Variants in NT5DC4 observed in about 807,000 individuals in gnomAD.
The protein encoded by NT5DC4 is 5'-nucleotidase domain-containing protein 4.
Under a neutral mutation model 26.6 loss-of-function variants are expected in NT5DC4, and 44 were observed. The ratio of observed to expected loss-of-function variants is 1.65; its 90% confidence interval spans 1.30 to 2.13. The LOEUF is 2.13. NT5DC4 is among the 30% of genes most tolerant of loss of function. NT5DC4 has a pLI of 0.00. For missense variants in NT5DC4, 399 were observed against 228.1 expected (o/e 1.75, Z -4.83); for synonymous variants, 157 against 86.7 (o/e 1.81, Z -4.51).
chr2:112,730,728 G>C (rs17042289), intron 16 of NT5DC4, among the ~76,000 whole-genome samples: 2,103 of 152,298 alleles, frequency 0.014, 45 homozygotes, highest in African/African-American at 0.048. Context: ...ACCAGGCACA[G>C]TGTTTGTTCT....
At chr2:112,726,155 G>T (rs1229710561) in intron 13 of NT5DC4, 83 bp from the exon 14 acceptor site, 2 of 712,206 alleles carry the variant, frequency 2.8e-6, no homozygotes, top group East Asian at 5.4e-5. Context: ...GTCCTCCGCT[G>T]GGCCAGGGCA....
chr2:112,742,301 G>C, downstream of NT5DC4: 1 of 697,916 alleles, frequency 1.4e-6, no homozygotes, highest in Non-Finnish European at 2.7e-6. Context: ...TCCAATTGAA[G>C]AGATTCCTGA....
upstream of NT5DC4, among the ~76,000 whole-genome samples, chr2:112,719,909 TTTC>T (rs1676687223): frequency 8.8e-6 from 1 of 113,360 alleles, no homozygotes; most frequent in Admixed American, 8.9e-5. Flanking sequence ...TTTCTTTTTC[TTTC>T]TTTCTTTCTT....
downstream of NT5DC4, among the ~76,000 whole-genome samples, chr2:112,739,788 G>C (rs911896379): frequency 6.6e-6 from 1 of 152,124 alleles, no homozygotes; most frequent in African/African-American, 2.4e-5. Context: ...TCAAGCTGGT[G>C]GGAGCACAAA....
rs993651307 is a variant in NT5DC4 at position 112,726,678 on chromosome 2, G to T, written c.1206G>T (p.Gln402His). The T allele has an allele frequency of 3.8e-5, 27 of 717,392 alleles. No homozygotes were observed. Among genetic ancestry groups the T allele is most frequent in the Non-Finnish European group, 6.2e-5 (24 of 385,100 alleles). The allele number at this position is 717,392 out of a possible 1,614,324, so 44.4% of individuals were successfully genotyped here. Residue 402 changes from glutamine (Q) to histidine (H), a missense_variant and splice_region_variant, in exon 15 of 17, where the codon CAG (glutamine) becomes CAT (histidine). Gln to His is a conservative substitution (Grantham distance 24). Transcript: ENST00000688554. ...GGTCACCTAGCTATTTTTGTACCAG[G>T]CACATGGATGGGAGCAGTTGTGAGC... is the stretch of plus-strand genomic sequence containing the variant. ...RLDTHLADIY[Q>H]HMDGSSCELQ...
At chr2:112,720,129 C>T (rs1284684433), upstream of NT5DC4, among the ~76,000 whole-genome samples, 1 of 150,706 alleles carries the variant, frequency 6.6e-6, no homozygotes, top group Non-Finnish European at 1.5e-5. Flanking sequence ...CAACCTCCAA[C>T]CCCTGGGTTC....
intron 7 of NT5DC4, 47 bp from the exon 8 acceptor site, chr2:112,723,361 GCACACACACA>G (rs36112869): frequency 2.3e-5 from 15 of 638,362 alleles, no homozygotes; most frequent in Middle Eastern, 3.5e-4. Context: ...GGGTACACAT[GCACACACACA>G]CACACACACA....
chr2:112,722,981 C>T, intron 6 of NT5DC4, 100 bp from the exon 7 acceptor site: 2 of 562,670 alleles, frequency 3.6e-6, no homozygotes, highest in South Asian at 3.8e-5. Context: ...CAGTGAAGGC[C>T]CCAGTGTGGC....
chr2:112,733,028 CAT>C (rs956879042), intron 16 of NT5DC4, among the ~76,000 whole-genome samples: 9 of 152,092 alleles, frequency 5.9e-5, no homozygotes, highest in South Asian at 2.1e-4. Context: ...TTGAAAGACA[CAT>C]GTCACCCAGT....
At chr2:112,722,861 C>T (rs1224774938) in intron 6 of NT5DC4, 90 bp downstream of exon 6, 2 of 271,470 alleles carry the variant, frequency 7.4e-6, no homozygotes, top group Admixed American at 3.5e-5. Flanking sequence ...AAGGGCTCCC[C>T]AAGAGGCTGG....
At chr2:112,736,226 T>G (rs1679152088) in intron 16 of NT5DC4, among the ~76,000 whole-genome samples, 1 of 152,142 alleles carries the variant, frequency 6.6e-6, no homozygotes, top group African/African-American at 2.4e-5. Flanking sequence ...CACTTCAGAC[T>G]CTCTAAGCCT....
chr2:112,740,716 C>A (rs1387801116), downstream of NT5DC4: 2 of 908,066 alleles, frequency 2.2e-6, no homozygotes, highest in African/African-American at 3.3e-5. Context: ...ACCTTCCTCA[C>A]TGCAGGTCAG....
chr2:112,719,586 A>G (rs968908547), upstream of NT5DC4, among the ~76,000 whole-genome samples: 5 of 144,252 alleles, frequency 3.5e-5, no homozygotes, highest in Non-Finnish European at 7.5e-5. Context: ...TCTGGGTTCA[A>G]GTGGTTCTCC....
upstream of NT5DC4, among the ~76,000 whole-genome samples, chr2:112,719,481 C>CTTTTTTTTTTTTTT (rs57789268): frequency 2.0e-5 from 2 of 101,288 alleles, no homozygotes; most frequent in Non-Finnish European, 3.7e-5. Context: ...ACTTGTCTGT[C>CTTTTTTTTTTTTTT]TTTTTTTTTT....
At chr2:112,724,199 A>C in intron 10 of NT5DC4, 73 bp downstream of exon 10, 1 of 714,804 alleles carries the variant, frequency 1.4e-6, no homozygotes, top group Admixed American at 2.0e-5. Context: ...CTGCACCACG[A>C]TGCTGAGGGC....
chr2:112,721,860 C>T lies in NT5DC4; in HGVS notation c.117C>T (p.Cys39=). ...NRSLALGKIR[C]FGFDMDYTLA... ...GCCTGGCGCTGGGGAAGATTCGTTG[C>T]TTTGGCTTCGACATGGACTACACTC... is the stretch of plus-strand genomic sequence containing the variant. Residue 39 remains cysteine (C), a synonymous_variant, in exon 2 of 17, where the codon TGC becomes TGT. Coordinates refer to ENST00000688554, the MANE Select transcript of NT5DC4 (RefSeq NM_001393655.1). The T allele has an allele frequency of 2.8e-6, 2 of 717,384 alleles. No homozygotes were observed. The highest frequency in any genetic ancestry group is 2.6e-6 in the Non-Finnish European group (1 of 385,100). The allele number at this position is 717,384 out of a possible 1,614,324, so 44.4% of individuals were successfully genotyped here. A position where few individuals can be genotyped will look rare whatever the true frequency, so the allele number is the denominator to read the frequency against.
chr2:112,727,021 C>T (rs1330581383), intron 15 of NT5DC4: 6 of 502,628 alleles, frequency 1.2e-5, no homozygotes, highest in East Asian at 7.1e-5. Context: ...GAAGTGCCTG[C>T]GTGCTAGCTG....
intron 16 of NT5DC4, among the ~76,000 whole-genome samples, chr2:112,734,169 A>ATATG (rs150412692): frequency 0.016 from 2,161 of 134,804 alleles, 45 homozygotes; most frequent in African/African-American, 0.05. Context: ...TATTATATAT[A>ATATG]TGTGTGTGTG....
chr2:112,742,508 T>G (rs1232505599), downstream of NT5DC4: 1 of 718,784 alleles, frequency 1.4e-6, no homozygotes, highest in Non-Finnish European at 2.6e-6. Flanking sequence ...CAACCTTTGT[T>G]CAGTATTGAG....
Sources: allele counts gnomAD v4.1 joint callset (sites outside exome capture counted in the v4.1 genomes callset), GRCh38; gene constraint gnomAD v4.1.1; transcripts MANE v1.5; gene names NCBI Gene and HGNC (gene_info 2026-07-23, HGNC 2026-07-21).